CCDC85A: variants seen among roughly 807,000 people sequenced by gnomAD.
CCDC85A encodes coiled-coil domain-containing protein 85A.
A neutral mutation model predicts 50.2 loss-of-function variants in CCDC85A; 38 were observed. That is an observed-to-expected ratio of 0.76 (90% CI 0.58 to 0.99). CCDC85A has a LOEUF of 0.99. Ranked by LOEUF, CCDC85A falls within the 50% of genes least tolerant of loss-of-function variation. The pLI, the probability that CCDC85A is intolerant of heterozygous loss-of-function variation, is 0.00. For missense variants in CCDC85A, 820 were observed against 742.0 expected, an observed-to-expected ratio of 1.11 and a Z score of -1.22; for synonymous variants, 366 against 301.4, an observed-to-expected ratio of 1.21 and a Z score of -2.22.
intron 2 of CCDC85A, among the ~76,000 whole-genome samples, chr2:56,207,329 C>G (rs916428543): frequency 3.9e-5 from 6 of 152,154 alleles, no homozygotes; most frequent in Non-Finnish European, 8.8e-5. Flanking sequence ...TTATCCCTAG[C>G]ACAGCTCCAG....
intron 2 of CCDC85A, among the ~76,000 whole-genome samples, chr2:56,253,726 A>T (rs1669867379): frequency 6.6e-6 from 1 of 152,212 alleles, no homozygotes. Context: ...TTCGGAGCAA[A>T]GATTGATAGG....
intron 2 of CCDC85A, among the ~76,000 whole-genome samples, chr2:56,337,447 A>C (rs916426102): frequency 6.6e-6 from 1 of 152,204 alleles, no homozygotes; most frequent in African/African-American, 2.4e-5. Context: ...GCTTTTCCAG[A>C]TAGGTGACTG....
At chr2:56,312,323 C>T (rs540501096) in intron 2 of CCDC85A, among the ~76,000 whole-genome samples, 4 of 152,068 alleles carry the variant, frequency 2.6e-5, no homozygotes, top group South Asian at 4.1e-4. Flanking sequence ...TGTGTTGGAA[C>T]GCCTGGAGAC....
intron 2 of CCDC85A, among the ~76,000 whole-genome samples, chr2:56,279,434 C>T (rs1368190135): frequency 6.6e-6 from 1 of 152,162 alleles, no homozygotes; most frequent in Non-Finnish European, 1.5e-5. Flanking sequence ...CCTCCCACCA[C>T]CTATTTCTCC....
chr2:56,192,644 G>A lies in CCDC85A; in HGVS notation c.444G>A (p.Leu148=). 2 of 1,613,908 alleles carry A rather than the reference G, an allele frequency of 1.2e-6. No homozygotes were observed. Among genetic ancestry groups the A allele is most frequent in the African/African-American group, 1.3e-5 (1 of 75,028 alleles). ...HKEVALYLQK[L]KDLEVKQEEV... ...AAGTGGCCTTATACCTGCAGAAGCT[G>A]AAAGACCTGGAGGTGAAGCAGGAGG... The change falls in exon 2 of 6, where the codon CTG becomes CTA. Residue 148 remains leucine, a synonymous_variant. Coordinates refer to ENST00000407595, the MANE Select transcript of CCDC85A (RefSeq NM_001080433.2). The surrounding 1 kb of genome is among the most constrained non-coding windows in gnomAD (Gnocchi z 4.7).
chr2:56,336,030 A>G (rs1214860155), intron 2 of CCDC85A, among the ~76,000 whole-genome samples: 1 of 152,208 alleles, frequency 6.6e-6, no homozygotes, highest in Non-Finnish European at 1.5e-5. Context: ...GATTTTTGAA[A>G]GGGATAAACA....
chr2:56,350,271 A>G (rs11893331), intron 3 of CCDC85A, among the ~76,000 whole-genome samples: 49,842 of 151,140 alleles, frequency 0.33, 11,628 homozygotes, highest in African/African-American at 0.66. Context: ...GGTTTTAAGC[A>G]ATTCTCCTGC....
At chr2:56,276,327 G>A (rs1276535578) in intron 2 of CCDC85A, among the ~76,000 whole-genome samples, 1 of 126,360 alleles carries the variant, frequency 7.9e-6, no homozygotes, top group Non-Finnish European at 1.8e-5. Context: ...TTCTGAAGAT[G>A]ACTGGCTAGA....
chr2:56,194,676 A>G (rs1676456166), intron 2 of CCDC85A, among the ~76,000 whole-genome samples: 1 of 152,342 alleles, frequency 6.6e-6, no homozygotes, highest in South Asian at 2.1e-4. Context: ...AAATGCATGC[A>G]ATGTTCTTTT....
chr2:56,218,030 T>C (rs148695668), intron 2 of CCDC85A, among the ~76,000 whole-genome samples: 153 of 151,982 alleles, frequency 1.0e-3, no homozygotes, highest in Middle Eastern at 6.8e-3. Flanking sequence ...CGACATATGG[T>C]ACCTTGTCTG....
At chr2:56,290,310 T>C (rs1671644717) in intron 2 of CCDC85A, among the ~76,000 whole-genome samples, 1 of 152,216 alleles carries the variant, frequency 6.6e-6, no homozygotes, top group Non-Finnish European at 1.5e-5. Flanking sequence ...CTCTATTTTT[T>C]TCAGTCTGCT....
At chr2:56,345,311 G>A (rs1674582183) in intron 3 of CCDC85A, among the ~76,000 whole-genome samples, 1 of 152,136 alleles carries the variant, frequency 6.6e-6, no homozygotes, top group African/African-American at 2.4e-5. Context: ...AAGAAAAATG[G>A]TATCGGTTAT....
intron 2 of CCDC85A, among the ~76,000 whole-genome samples, chr2:56,323,395 G>A (rs546937371): frequency 6.6e-6 from 1 of 152,104 alleles, no homozygotes; most frequent in Non-Finnish European, 1.5e-5. Flanking sequence ...CACTGCGAGA[G>A]TGAATGGGTT....
intron 2 of CCDC85A, among the ~76,000 whole-genome samples, chr2:56,208,470 G>T (rs1457782698): frequency 1.3e-5 from 2 of 152,080 alleles, no homozygotes; most frequent in African/African-American, 2.4e-5. Context: ...AGTGGTATAG[G>T]TTACAACACA....
chr2:56,325,536 T>A (rs559635663), intron 2 of CCDC85A, among the ~76,000 whole-genome samples: 2 of 152,252 alleles, frequency 1.3e-5, no homozygotes, highest in Non-Finnish European at 2.9e-5. Flanking sequence ...AAAAATAATG[T>A]TAACAGTATT....
At chr2:56,234,654 T>C (rs189965020) in intron 2 of CCDC85A, among the ~76,000 whole-genome samples, 3 of 152,274 alleles carry the variant, frequency 2.0e-5, no homozygotes, top group Non-Finnish European at 4.4e-5. Flanking sequence ...TTTTTTCTTC[T>C]CTGGATTTCA....
intron 2 of CCDC85A, among the ~76,000 whole-genome samples, chr2:56,311,433 T>G (rs530855799): frequency 4.8e-4 from 73 of 152,224 alleles, no homozygotes; most frequent in African/African-American, 1.7e-3. Flanking sequence ...TTTAAAAGCT[T>G]AAGCTAATGA....
At chr2:56,282,452 G>C (rs1297638263) in intron 2 of CCDC85A, among the ~76,000 whole-genome samples, 3 of 152,140 alleles carry the variant, frequency 2.0e-5, no homozygotes, top group Admixed American at 2.0e-4. Context: ...TTTTGATTTG[G>C]ATTGTGTTGT....
Position 56,184,025 on chromosome 2 carries a change from G to T in CCDC85A, c.-600G>T. ...CCGCTCTGCAAATCGAAGGCTTTCC[G>T]GAGCAGCCTAGGAGCGGCCGCGGGC... On this transcript the variant is annotated 5_prime_UTR_variant, in exon 1 of 6. Coordinates refer to ENST00000407595, the MANE Select transcript of CCDC85A (RefSeq NM_001080433.2). 1 of 985,472 alleles carries T rather than the reference G, an allele frequency of 1.0e-6. No homozygotes were observed. The highest frequency in any genetic ancestry group is 4.7e-5 in the South Asian group (1 of 21,284). 61.0% of individuals were successfully genotyped at this position (985,472 alleles called of 1,614,324 possible).
Sources: gnomAD v4.1 joint callset for allele counts (sites outside exome capture counted in the v4.1 genomes callset) on GRCh38, gnomAD v4.1.1 for gene constraint, Gnocchi (gnomAD v3.1) non-coding constraint, MANE v1.5 for transcripts, NCBI Gene and HGNC (gene_info 2026-07-23, HGNC 2026-07-21) for gene names.